Variants in COL4A3 observed in about 807,000 individuals in gnomAD.
COL4A3 encodes the protein collagen type IV alpha 3 chain.
Under a neutral mutation model 217.4 loss-of-function variants are expected in COL4A3, and 135 were observed. The observed-to-expected ratio is 0.62, with a 90% CI of 0.54 to 0.72. The LOEUF (loss-of-function observed/expected upper bound fraction) is 0.72. Ranked by LOEUF, COL4A3 falls within the 30% of genes least tolerant of loss-of-function variation. COL4A3 has a pLI of 0.00. For synonymous variants in COL4A3, 690 were observed against 736.3 expected, an observed-to-expected ratio of 0.94 and a Z score of 1.02; for missense variants, 1,868 against 2,119.9, an observed-to-expected ratio of 0.88 and a Z score of 2.33.
At chr2:227,255,584 C>T (rs1180206695) in intron 15 of COL4A3, among the ~76,000 whole-genome samples, 1 of 152,174 alleles carries the variant, frequency 6.6e-6, no homozygotes, top group African/African-American at 2.4e-5. Flanking sequence ...ATCTTTTATA[C>T]ATATATTTAA....
In COL4A3 at chr2:227,264,022, C is replaced by T. The variant is rs1326352588; in HGVS notation, c.1315+78C>T. The T allele has an allele frequency of 2.0e-6, 3 of 1,516,530 alleles. No individual in the cohort carries two copies. In the African/African-American group the frequency reaches 4.1e-5, roughly 21 times the overall value. The allele number at this position is 1,516,530 out of a possible 1,614,324, so 93.9% of individuals were successfully genotyped here. ...GTGCAAACCACGGGCAACAAACCCT[C>T]CTCACAGCTTAGCCATCAGTCTGTG... On this transcript the variant is annotated intron_variant, in intron 21 of 51. Transcript: ENST00000396578.
At chr2:227,297,346 T>G (rs1235579679) in intron 41 of COL4A3, among the ~76,000 whole-genome samples, 9 of 152,222 alleles carry the variant, frequency 5.9e-5, no homozygotes, top group Non-Finnish European at 1.3e-4. Context: ...TATGTCTGTA[T>G]GTTATCTCAC....
rs1043352257 is a variant in COL4A3 at position 227,244,988 on chromosome 2, G to C, written c.317G>C (p.Gly106Ala). The change falls in exon 5 of 52, where the codon GGA becomes GCA. Residue 106 changes from glycine to alanine, a missense_variant. By Grantham distance (60) the Gly-to-Ala change is moderately conservative. Transcript: ENST00000396578. ...SGLPGFSGSPGLPGTPGNTGP... is the reference protein window; with the variant it reads ...SGLPGFSGSPALPGTPGNTGP... ...TTGCCAGGATTTTCTGGTTCTCCTG[G>C]ACTTCCAGTAAGTAATGGGAAAAAT... 5 of 1,612,770 alleles carry C rather than the reference G, an allele frequency of 3.1e-6. No individual in the cohort carries two copies. The highest frequency in any genetic ancestry group is 1.6e-4 in the Middle Eastern group (1 of 6,078).
At chr2:227,272,888 T>C (rs574533258) in intron 25 of COL4A3, 61 bp from the exon 26 acceptor site, 1 of 1,531,444 alleles carries the variant, frequency 6.5e-7, no homozygotes, top group South Asian at 1.1e-5. Context: ...GGAGGATGAT[T>C]AACCTGTTGT....
At chr2:227,281,422 TA>T in intron 31 of COL4A3, among the ~76,000 whole-genome samples, 1 of 152,310 alleles carries the variant, frequency 6.6e-6, no homozygotes, top group East Asian at 1.9e-4. Flanking sequence ...TAAAAACTTA[TA>T]AACTAAAATA....
intron 1 of COL4A3, among the ~76,000 whole-genome samples, chr2:227,234,153 G>A (rs756970448): frequency 3.9e-5 from 6 of 152,020 alleles, no homozygotes; most frequent in Non-Finnish European, 7.4e-5. Context: ...GAATGATTTG[G>A]GGGAAAGTGG....
At chr2:227,246,876 TAGG>T (rs2069380356) in intron 7 of COL4A3, 138 bp downstream of exon 7, 2 of 802,218 alleles carry the variant, frequency 2.5e-6, no homozygotes, top group African/African-American at 3.4e-5. Flanking sequence ...AACTAATAGT[TAGG>T]GAATGGATGA....
chr2:227,267,081 A>G lies in COL4A3; in HGVS notation c.1497A>G (p.Gly499=), dbSNP rs763931715. 6.2e-7 allele frequency: 1 copy of G among 1,613,074 alleles called. No individual in the cohort carries two copies. Among genetic ancestry groups the G allele is most frequent in the East Asian group, 2.2e-5 (1 of 44,874 alleles). ...PGLPGLHGVK[G]IPGRQGAAGL... Reference sequence around the variant, plus strand: ...TGCCAGGGTTACATGGTGTAAAAGGAATCCCAGGTACAAACAATTTGCATG... The same window carrying G: ...TGCCAGGGTTACATGGTGTAAAAGGGATCCCAGGTACAAACAATTTGCATG... The change falls in exon 23 of 52, where the codon GGA becomes GGG. Residue 499 remains glycine (G), a synonymous_variant. Coordinates refer to ENST00000396578, the MANE Select transcript of COL4A3 (RefSeq NM_000091.5).
chr2:227,311,033 C>A (rs2073721827), intron 51 of COL4A3, 85 bp downstream of exon 51: 1 of 1,472,288 alleles, frequency 6.8e-7, no homozygotes, highest in Non-Finnish European at 9.5e-7. Context: ...CAACGAGTAG[C>A]CATGATTTTG....
At chr2:227,179,184 C>T (rs1323627693) in intron 1 of COL4A3, among the ~76,000 whole-genome samples, 3 of 152,104 alleles carry the variant, frequency 2.0e-5, no homozygotes, top group African/African-American at 7.2e-5. Context: ...CTCATGGGCT[C>T]AAGTGATAGG....
chr2:227,211,075 A>G (rs1190385537), intron 1 of COL4A3, among the ~76,000 whole-genome samples: 1 of 129,352 alleles, frequency 7.7e-6, no homozygotes, highest in Non-Finnish European at 1.7e-5. Context: ...ATCTCGGCTC[A>G]CTGCAACCTC....
chr2:227,215,185 G>A (rs750219005), intron 1 of COL4A3, among the ~76,000 whole-genome samples: 2 of 151,344 alleles, frequency 1.3e-5, no homozygotes, highest in African/African-American at 2.4e-5. Context: ...AGTCATTATC[G>A]TTTTTCCCTC....
At chr2:227,294,227 C>T in intron 38 of COL4A3, 1 of 449,576 alleles carries the variant, frequency 2.2e-6, no homozygotes, top group Non-Finnish European at 4.0e-6. Context: ...TTGCATTTAA[C>T]TCGCAATTAA....
At position 227,313,368 on chromosome 2, in the gene COL4A3, TTC is replaced by T. The variant is rs1286475912; in HGVS notation, c.*1502_*1503del. 1 of 152,632 alleles carries T rather than the reference TTC, an allele frequency of 6.6e-6. No homozygotes were observed. The highest frequency in any genetic ancestry group is 2.4e-5 in the African/African-American group (1 of 41,460). The allele number at this position is 152,632 out of a possible 1,614,324, so 9.5% of individuals were successfully genotyped here. ...CCTAGGGAAACTCAGGGCTTCTAGT[TTC>T]TCTTAGAAAAGCTAAGAGAAGATAA... On this transcript the variant is annotated 3_prime_UTR_variant, in exon 52 of 52. Coordinates refer to ENST00000396578, the MANE Select transcript of COL4A3 (RefSeq NM_000091.5).
chr2:227,195,979 A>T (rs1028448978), intron 1 of COL4A3, among the ~76,000 whole-genome samples: 2 of 152,136 alleles, frequency 1.3e-5, no homozygotes, highest in African/African-American at 2.4e-5. Flanking sequence ...CTTATAGAAT[A>T]AGGATAAAGA....
At chr2:227,219,230 A>C (rs1381727487) in intron 1 of COL4A3, among the ~76,000 whole-genome samples, 2 of 151,904 alleles carry the variant, frequency 1.3e-5, no homozygotes, top group Non-Finnish European at 2.9e-5. Flanking sequence ...TGAACTCCCA[A>C]ACTCAGGTGA....
At chr2:227,297,348 TTA>T (rs2073072907) in intron 41 of COL4A3, among the ~76,000 whole-genome samples, 1 of 152,234 alleles carries the variant, frequency 6.6e-6, no homozygotes, top group Non-Finnish European at 1.5e-5. Flanking sequence ...TGTCTGTATG[TTA>T]TCTCACTTGA....
At chr2:227,308,011 T>A in intron 48 of COL4A3, 92 bp downstream of exon 48, 1 of 1,109,226 alleles carries the variant, frequency 9.0e-7, no homozygotes, top group Non-Finnish European at 1.4e-6. Context: ...AAGTTAAGTG[T>A]AAATAACCTT....
At chr2:227,306,355 A>T (rs1259037325) in intron 47 of COL4A3, among the ~76,000 whole-genome samples, 1 of 152,238 alleles carries the variant, frequency 6.6e-6, no homozygotes, top group Admixed American at 6.5e-5. Context: ...TGCATTGGAT[A>T]TCACACATTT....
Sources: allele counts gnomAD v4.1 joint callset (sites outside exome capture counted in the v4.1 genomes callset), GRCh38; gene constraint gnomAD v4.1.1; transcripts MANE v1.5; gene names NCBI Gene and HGNC (gene_info 2026-07-23, HGNC 2026-07-21).